Variants in COLEC12 observed in about 807,000 individuals in gnomAD.
COLEC12 encodes collectin subfamily member 12, also known as collectin-12.
A neutral mutation model predicts 71.1 loss-of-function variants in COLEC12; 33 were observed. The observed-to-expected ratio is 0.46, with a 90% CI of 0.35 to 0.62. The LOEUF (loss-of-function observed/expected upper bound fraction) is 0.62, where lower values mean the gene tolerates loss of function less well. Ranked by LOEUF, COLEC12 falls within the 20% of genes least tolerant of loss-of-function variation. COLEC12 has a pLI of 0.00. For synonymous variants in COLEC12, 350 were observed against 353.0 expected (o/e 0.99, Z 0.10); for missense variants, 765 against 916.1 (o/e 0.84, Z 2.13).
At chr18:360,024 T>C (rs1914709430) in intron 2 of COLEC12, among the ~76,000 whole-genome samples, 1 of 152,214 alleles carries the variant, frequency 6.6e-6, no homozygotes, top group African/African-American at 2.4e-5. Context: ...TCCCTCTGGC[T>C]GTAGACACAA....
intron 2 of COLEC12, among the ~76,000 whole-genome samples, chr18:383,010 C>T (rs754665849): frequency 4.6e-5 from 7 of 152,068 alleles, no homozygotes; most frequent in Non-Finnish European, 7.4e-5. Flanking sequence ...AAAGAGCATG[C>T]ATTCTGGCCT....
chr18:497,467 C>T (rs966193153), intron 1 of COLEC12, among the ~76,000 whole-genome samples: 36 of 151,890 alleles, frequency 2.4e-4, no homozygotes, highest in Non-Finnish European at 1.3e-4. Flanking sequence ...TGCAGTGGCA[C>T]GATCTCGGCT....
chr18:446,077 C>T (rs559244855), intron 2 of COLEC12, among the ~76,000 whole-genome samples: 2 of 152,248 alleles, frequency 1.3e-5, no homozygotes, highest in South Asian at 2.1e-4. Flanking sequence ...ACAAATACTG[C>T]CTTTTTTATG....
At position 478,564 on chromosome 18, in the gene COLEC12, G is replaced by A. The variant is rs553133890; in HGVS notation, c.58+2143C>T. Among the ~76,000 whole-genome samples the A allele has an allele frequency of 7.9e-5, 12 of 152,306 alleles. No individual in the cohort carries two copies. In the East Asian group the frequency reaches 1.9e-3, roughly 24 times the overall value. On this transcript the variant is annotated intron_variant, in intron 2 of 9. Transcript: ENST00000400256. ...GGAATTCAAGGTTACAGTGAGCTAC[G>A]ATTGCACCACTGCACTCTAGCCTGA...
At chr18:321,060 CT>C (rs1913692350) in intron 9 of COLEC12, among the ~76,000 whole-genome samples, 1 of 152,086 alleles carries the variant, frequency 6.6e-6, no homozygotes, top group South Asian at 2.1e-4. Context: ...TGCTATATCT[CT>C]TTTCTTTTTT....
intron 2 of COLEC12, among the ~76,000 whole-genome samples, chr18:425,061 C>A (rs1482562616): frequency 6.6e-6 from 1 of 152,150 alleles, no homozygotes; most frequent in East Asian, 1.9e-4. Context: ...CAGGCTATTG[C>A]CTCTAGGGAG....
chr18:321,969 G>A (rs1361556393), intron 8 of COLEC12, among the ~76,000 whole-genome samples, 162 bp from the exon 9 acceptor site: 1 of 152,208 alleles, frequency 6.6e-6, no homozygotes, highest in Non-Finnish European at 1.5e-5. Flanking sequence ...TCAGAGAAAG[G>A]AGCAGCTGTT....
chr18:417,516 A>G (rs543969647), intron 2 of COLEC12, among the ~76,000 whole-genome samples: 1 of 152,196 alleles, frequency 6.6e-6, no homozygotes, highest in South Asian at 2.1e-4. Context: ...TCCCCTAAGG[A>G]CCACCGCCAA....
At chr18:404,424 T>A (rs553050894) in intron 2 of COLEC12, among the ~76,000 whole-genome samples, 1 of 152,162 alleles carries the variant, frequency 6.6e-6, no homozygotes, top group Non-Finnish European at 1.5e-5. Flanking sequence ...GCTTATGATG[T>A]TGTAAGCCGC....
At chr18:458,685 A>G (rs997806186) in intron 2 of COLEC12, among the ~76,000 whole-genome samples, 2 of 152,210 alleles carry the variant, frequency 1.3e-5, no homozygotes, top group African/African-American at 4.8e-5. Context: ...CTCTTCATCT[A>G]AACTGTCGTC....
At position 357,530 on chromosome 18, in the gene COLEC12, A is replaced by G. The variant is rs374343188; in HGVS notation, c.59-8T>C. ...GTGTTCCTTCCTGAATACCTGTAAG[A>G]GAAGTCAAATTTTAATAACAGTAAG... On this transcript the variant is annotated splice_polypyrimidine_tract_variant and splice_region_variant and intron_variant, in intron 2 of 9. Transcript: ENST00000400256. 1.7e-5 allele frequency: 26 copies of G among 1,521,120 alleles called. No homozygotes were observed. In the African/African-American group the frequency reaches 3.5e-4, roughly 21 times the overall value. 94.2% of individuals were successfully genotyped at this position (1,521,120 alleles called of 1,614,324 possible).
At chr18:384,206 A>G (rs1303276275) in intron 2 of COLEC12, among the ~76,000 whole-genome samples, 2 of 152,078 alleles carry the variant, frequency 1.3e-5, no homozygotes, top group Non-Finnish European at 2.9e-5. Context: ...GGTCTGTTAT[A>G]TCAGGGTCTC....
intron 2 of COLEC12, among the ~76,000 whole-genome samples, chr18:443,271 G>C (rs1255945439): frequency 3.3e-5 from 5 of 152,080 alleles, no homozygotes; most frequent in Non-Finnish European, 5.9e-5. Context: ...GCTGACTTTT[G>C]GTATTTTCAG....
rs999773494 is a variant in COLEC12 at position 399,002 on chromosome 18, A to T, written c.59-41480T>A. On this transcript the variant is annotated intron_variant, in intron 2 of 9. Transcript: ENST00000400256. This position sits in a 1 kb window ranked among gnomAD's most constrained non-coding sequence, Gnocchi z 4.0. ...AGTATCCAGATCTAAATCCTAACCT[A>T]AACACATCCAAATTCCTCTGATCTT... 4.6e-5 allele frequency among the ~76,000 whole-genome samples: 7 copies of T among 152,238 alleles called. No individual in the cohort carries two copies. The highest frequency in any genetic ancestry group is 7.3e-5 in the Non-Finnish European group (5 of 68,046).
rs1371294197 is a variant in COLEC12 at position 500,573 on chromosome 18, G to A, written c.-59C>T. On this transcript the variant is annotated 5_prime_UTR_variant, in exon 1 of 10. Coordinates refer to ENST00000400256, the MANE Select transcript of COLEC12 (RefSeq NM_130386.3). This position sits in a 1 kb window ranked among gnomAD's most constrained non-coding sequence, Gnocchi z 5.3. Reference sequence around the variant, plus strand: ...CTCCGCGCGAGCGCCGCGCAGCCGAGGAAGTCGTCCCGAGCGGCTGCTCAC... The same window carrying A: ...CTCCGCGCGAGCGCCGCGCAGCCGAAGAAGTCGTCCCGAGCGGCTGCTCAC... 5.0e-5 allele frequency: 60 copies of A among 1,210,438 alleles called. No individual in the cohort carries two copies. The highest frequency in any genetic ancestry group is 6.0e-5 in the Non-Finnish European group (58 of 973,936). 75.0% of individuals were successfully genotyped at this position (1,210,438 alleles called of 1,614,324 possible).
chr18:370,380 T>C (rs2143533840), intron 2 of COLEC12, among the ~76,000 whole-genome samples: 1 of 152,308 alleles, frequency 6.6e-6, no homozygotes, highest in Admixed American at 6.5e-5. Flanking sequence ...CTAATTACAG[T>C]TGTAAACTGG....
intron 2 of COLEC12, among the ~76,000 whole-genome samples, chr18:379,669 G>A (rs1915189855): frequency 6.6e-6 from 1 of 152,108 alleles, no homozygotes; most frequent in Non-Finnish European, 1.5e-5. Flanking sequence ...CGGTGCTTCT[G>A]ACAAGTGATT....
chr18:479,503 G>A (rs549150629), intron 2 of COLEC12, among the ~76,000 whole-genome samples: 2 of 151,800 alleles, frequency 1.3e-5, no homozygotes, highest in African/African-American at 4.8e-5. Context: ...TAAGCAACAG[G>A]AAGTAGATTC....
chr18:376,276 G>A (rs763118139), intron 2 of COLEC12, among the ~76,000 whole-genome samples: 10 of 152,170 alleles, frequency 6.6e-5, no homozygotes, highest in South Asian at 2.1e-4. Flanking sequence ...CTAACATGGC[G>A]TGTGGCATTC....
Sources: allele counts gnomAD v4.1 joint callset (sites outside exome capture counted in the v4.1 genomes callset), GRCh38; gene constraint gnomAD v4.1.1; non-coding constraint Gnocchi (gnomAD v3.1); transcripts MANE v1.5; gene names NCBI Gene and HGNC (gene_info 2026-07-23, HGNC 2026-07-21).